MARCHF1: variants seen among roughly 807,000 people sequenced by gnomAD.
The protein encoded by MARCHF1 is membrane associated ring-CH-type finger 1.
In MARCHF1, 40 loss-of-function variants were observed where a neutral mutation model predicts 54.2. That is an observed-to-expected ratio of 0.74 (90% CI 0.57 to 0.96). The LOEUF (loss-of-function observed/expected upper bound fraction) is 0.96, where lower values mean the gene tolerates loss of function less well. Ranked by LOEUF, MARCHF1 falls within the 40% of genes least tolerant of loss-of-function variation. The pLI is 0.00. For synonymous variants in MARCHF1, 236 were observed against 236.3 expected (o/e 1.00, Z 0.01); for missense variants, 586 against 656.5 (o/e 0.89, Z 1.17).
intron 8 of MARCHF1, among the ~76,000 whole-genome samples, chr4:163,567,636 T>C (rs1739690240): frequency 6.6e-6 from 1 of 152,148 alleles, no homozygotes; most frequent in East Asian, 1.9e-4. Flanking sequence ...GGAGTTTCCT[T>C]GCACAAGTTC....
intron 2 of MARCHF1, among the ~76,000 whole-genome samples, chr4:164,062,705 G>A (rs571197610): frequency 6.6e-6 from 1 of 152,110 alleles, no homozygotes; most frequent in African/African-American, 2.4e-5. Flanking sequence ...TGTATTTTTA[G>A]TAGAGACGGG....
intron 3 of MARCHF1, among the ~76,000 whole-genome samples, chr4:163,899,270 C>T (rs957265100): frequency 1.3e-5 from 2 of 152,156 alleles, no homozygotes; most frequent in African/African-American, 4.8e-5. Flanking sequence ...TAGACTTTTA[C>T]TTGTACCATT....
intron 4 of MARCHF1, among the ~76,000 whole-genome samples, chr4:163,839,930 G>T (rs935132732): frequency 1.3e-5 from 2 of 151,918 alleles, no homozygotes; most frequent in African/African-American, 4.8e-5. Context: ...AATTGAAAAA[G>T]CCTAAAGTCT....
At chr4:163,599,957 C>G (rs1336331664) in intron 7 of MARCHF1, among the ~76,000 whole-genome samples, 1 of 152,058 alleles carries the variant, frequency 6.6e-6, no homozygotes, top group Non-Finnish European at 1.5e-5. Flanking sequence ...TTTCTATTTC[C>G]ATCAGTAAGT....
At chr4:163,996,512 A>C (rs1753079265) in intron 2 of MARCHF1, among the ~76,000 whole-genome samples, 1 of 152,040 alleles carries the variant, frequency 6.6e-6, no homozygotes, top group Non-Finnish European at 1.5e-5. Flanking sequence ...GTGTTCTTGG[A>C]AGAATAAAGA....
intron 2 of MARCHF1, among the ~76,000 whole-genome samples, chr4:164,093,367 T>C (rs1055848568): frequency 6.6e-6 from 1 of 152,140 alleles, no homozygotes; most frequent in Non-Finnish European, 1.5e-5. Flanking sequence ...GATTTTATCA[T>C]ACGAAGTAGA....
At chr4:163,643,574 T>C (rs561340065) in intron 5 of MARCHF1, among the ~76,000 whole-genome samples, 10 of 152,248 alleles carry the variant, frequency 6.6e-5, no homozygotes, top group African/African-American at 2.4e-4. Flanking sequence ...GTTTTTCTCC[T>C]TATTGTTAAA....
At chr4:163,856,165 T>C (rs149439147) in intron 3 of MARCHF1, among the ~76,000 whole-genome samples, 23 of 152,212 alleles carry the variant, frequency 1.5e-4, no homozygotes, top group African/African-American at 5.3e-4. Flanking sequence ...CAAATCATCA[T>C]GAAAAAAGCT....
At chr4:164,243,764 T>C (rs931040906) in intron 1 of MARCHF1, among the ~76,000 whole-genome samples, 25 of 152,118 alleles carry the variant, frequency 1.6e-4, no homozygotes, top group African/African-American at 5.8e-4. Flanking sequence ...TGGAGGAAGA[T>C]CCACCAAGCC....
chr4:164,239,856 T>C (rs1175796865), intron 1 of MARCHF1, among the ~76,000 whole-genome samples: 1 of 152,196 alleles, frequency 6.6e-6, no homozygotes, highest in Non-Finnish European at 1.5e-5. Flanking sequence ...TGATTTTATA[T>C]TTATGAAAAT....
chr4:164,020,056 C>CA (rs958658468), intron 2 of MARCHF1, among the ~76,000 whole-genome samples: 19 of 152,140 alleles, frequency 1.2e-4, no homozygotes, highest in African/African-American at 2.9e-4. Context: ...ATCTTCCTTG[C>CA]AAAGAACTGT....
intron 2 of MARCHF1, among the ~76,000 whole-genome samples, chr4:164,007,618 T>A (rs190362629): frequency 7.0e-4 from 106 of 150,370 alleles, no homozygotes; most frequent in African/African-American, 2.5e-3. Flanking sequence ...AAAGTTAACA[T>A]GTAGAATTTA....
intron 2 of MARCHF1, among the ~76,000 whole-genome samples, chr4:164,053,083 T>C (rs184072215): frequency 2.0e-5 from 3 of 152,310 alleles, no homozygotes; most frequent in South Asian, 2.1e-4. Context: ...TCAAAGAATA[T>C]TGAATTCTTC....
At chr4:163,855,577 G>A (rs1749748671) in intron 3 of MARCHF1, among the ~76,000 whole-genome samples, 1 of 152,132 alleles carries the variant, frequency 6.6e-6, no homozygotes, top group South Asian at 2.1e-4. Flanking sequence ...TCAAAGGCAA[G>A]GAGTGAAATG....
At chr4:163,712,247 G>C (rs1049753091) in intron 4 of MARCHF1, among the ~76,000 whole-genome samples, 1 of 152,078 alleles carries the variant, frequency 6.6e-6, no homozygotes, top group Non-Finnish European at 1.5e-5. Context: ...TGCAAGCTAG[G>C]TTTTTTACTA....
chr4:164,151,623 C>T (rs1015943417), intron 1 of MARCHF1, among the ~76,000 whole-genome samples: 7 of 152,156 alleles, frequency 4.6e-5, no homozygotes, highest in African/African-American at 1.7e-4. Context: ...CCATCATCTT[C>T]CCCAAGGGCT....
chr4:163,747,699 C>T (rs879494754), intron 4 of MARCHF1, among the ~76,000 whole-genome samples: 1 of 152,144 alleles, frequency 6.6e-6, no homozygotes, highest in Non-Finnish European at 1.5e-5. Flanking sequence ...TAAAAACTCA[C>T]ATAACAATAA....
At chr4:163,832,604 A>ATTATTATG (rs1491521260) in intron 4 of MARCHF1, among the ~76,000 whole-genome samples, 1 of 63,960 alleles carries the variant, frequency 1.6e-5, no homozygotes, top group Non-Finnish European at 4.6e-5. Flanking sequence ...TTATTATTAT[A>ATTATTATG]ATACTTTAAG....
chr4:164,038,782 CATTT>C (rs1240146724), intron 2 of MARCHF1, among the ~76,000 whole-genome samples: 11 of 152,160 alleles, frequency 7.2e-5, no homozygotes, highest in Admixed American at 6.6e-4. Context: ...GTAAGTGGTA[CATTT>C]ATTAATACCA....
Sources: allele counts gnomAD v4.1 joint callset (sites outside exome capture counted in the v4.1 genomes callset), GRCh38; gene constraint gnomAD v4.1.1; transcripts MANE v1.5; gene names NCBI Gene and HGNC (gene_info 2026-07-23, HGNC 2026-07-21).